STK33: variants seen among roughly 807,000 people sequenced by gnomAD.
The protein encoded by STK33 is serine/threonine-protein kinase 33.
In STK33, 52 loss-of-function variants were observed where a neutral mutation model predicts 58.0. That is an observed-to-expected ratio of 0.90 (90% confidence interval 0.72 to 1.13). The LOEUF (loss-of-function observed/expected upper bound fraction) is 1.13, where lower values mean the gene tolerates loss of function less well. Among genes scored for constraint, STK33 ranks in the 50% most tolerant of loss-of-function variants. The pLI, the probability that STK33 is intolerant of heterozygous loss-of-function variation, is 0.00. For missense variants in STK33, 630 were observed against 604.2 expected, an observed-to-expected ratio of 1.04 and a Z score of -0.45; for synonymous variants, 215 against 200.1, an observed-to-expected ratio of 1.07 and a Z score of -0.63.
chr11:8,556,033 T>G (rs938401211), intron 1 of STK33, among the ~76,000 whole-genome samples: 3 of 152,158 alleles, frequency 2.0e-5, no homozygotes, highest in Non-Finnish European at 1.5e-5. Context: ...GAACAGATTG[T>G]AAGGCAAGAG....
intron 12 of STK33, 115 bp from the exon 13 acceptor site, chr11:8,436,254 G>A: frequency 1.9e-6 from 1 of 518,442 alleles, no homozygotes; most frequent in South Asian, 3.9e-5. Flanking sequence ...AGGAAAGGAT[G>A]GGAAGAGATG....
At chr11:8,524,633 T>C (rs1307946065) in intron 1 of STK33, among the ~76,000 whole-genome samples, 2 of 152,118 alleles carry the variant, frequency 1.3e-5, no homozygotes, top group Non-Finnish European at 2.9e-5. Context: ...TTTGATAATG[T>C]TTTTGTGACC....
chr11:8,442,203 C>A (rs566146522), intron 11 of STK33, among the ~76,000 whole-genome samples: 33 of 152,278 alleles, frequency 2.2e-4, no homozygotes, highest in African/African-American at 7.7e-4. Flanking sequence ...TAACACTGAG[C>A]AATCTGTCTC....
At chr11:8,397,203 G>A (rs1849515298) in intron 15 of STK33, among the ~76,000 whole-genome samples, 1 of 152,234 alleles carries the variant, frequency 6.6e-6, no homozygotes, top group African/African-American at 2.4e-5. Flanking sequence ...CTAACTGGGA[G>A]GCACCCCCAA....
chr11:8,412,384 T>C (rs1940406617), intron 15 of STK33, among the ~76,000 whole-genome samples: 1 of 152,224 alleles, frequency 6.6e-6, no homozygotes, highest in South Asian at 2.1e-4. Flanking sequence ...GGTAAAAATA[T>C]TATAATCTCA....
intron 1 of STK33, among the ~76,000 whole-genome samples, chr11:8,571,296 A>G (rs1218799701): frequency 6.6e-6 from 1 of 152,204 alleles, no homozygotes; most frequent in African/African-American, 2.4e-5. Context: ...CGCTAACTAG[A>G]ATAAGCCAGA....
At chr11:8,555,716 A>C (rs1956697527) in intron 1 of STK33, among the ~76,000 whole-genome samples, 2 of 152,124 alleles carry the variant, frequency 1.3e-5, no homozygotes, top group South Asian at 4.1e-4. Flanking sequence ...AATTTTAATT[A>C]TCTTACCACA....
the STK33 span, among the ~76,000 whole-genome samples, chr11:8,384,650 G>A: frequency 1.1e-4 from 17 of 152,166 alleles, no homozygotes; most frequent in South Asian, 4.1e-4. Flanking sequence ...TGATAAGTGC[G>A]TAGAAAAAAC....
intron 1 of STK33, among the ~76,000 whole-genome samples, chr11:8,574,891 A>G (rs921115930): frequency 2.5e-4 from 38 of 152,012 alleles, no homozygotes; most frequent in Non-Finnish European, 5.3e-4. Flanking sequence ...AAGGAAAAAA[A>G]AAAAATAGCC....
intron 14 of STK33, chr11:8,434,242 G>A (rs11041920): frequency 0.018 from 1,877 of 103,308 alleles, 9 homozygotes; most frequent in Non-Finnish European, 0.024. Flanking sequence ...GCGAGACTCC[G>A]TCTCAAAAAA....
intron 1 of STK33, among the ~76,000 whole-genome samples, chr11:8,531,638 T>C (rs1305900680): frequency 6.6e-6 from 1 of 152,192 alleles, no homozygotes; most frequent in Non-Finnish European, 1.5e-5. Context: ...CCAGACTTCT[T>C]ACATGGCAGT....
chr11:8,367,341 G>A, the STK33 span, among the ~76,000 whole-genome samples: 1 of 152,198 alleles, frequency 6.6e-6, no homozygotes, highest in Non-Finnish European at 1.5e-5. Flanking sequence ...GTATATACAC[G>A]CATCATTGTA....
intron 15 of STK33, among the ~76,000 whole-genome samples, chr11:8,410,994 GA>G (rs1940146330): frequency 6.6e-6 from 1 of 152,160 alleles, no homozygotes; most frequent in South Asian, 2.1e-4. Flanking sequence ...TATGAATAAT[GA>G]AAGCATATAC....
intron 11 of STK33, among the ~76,000 whole-genome samples, chr11:8,452,483 T>C (rs1196642544): frequency 1.3e-5 from 2 of 152,160 alleles, no homozygotes; most frequent in African/African-American, 4.8e-5. Flanking sequence ...TCTACTTTTT[T>C]ACACATAAAA....
the STK33 span, among the ~76,000 whole-genome samples, chr11:8,362,429 C>A: frequency 0.12 from 17,747 of 152,158 alleles, 1,323 homozygotes; most frequent in Admixed American, 0.18. Flanking sequence ...TGCCCACACA[C>A]GGCTCCCCGT....
At chr11:8,542,849 A>C (rs1448752689) in intron 1 of STK33, among the ~76,000 whole-genome samples, 3 of 152,120 alleles carry the variant, frequency 2.0e-5, no homozygotes, top group Non-Finnish European at 4.4e-5. Flanking sequence ...AGCTGAGACT[A>C]CAGGTACACA....
intron 14 of STK33, among the ~76,000 whole-genome samples, chr11:8,434,573 T>C (rs1226414159): frequency 2.0e-5 from 3 of 152,178 alleles, no homozygotes; most frequent in Non-Finnish European, 4.4e-5. Context: ...CCCGTTCATA[T>C]AAAAAATTCT....
intron 5 of STK33, among the ~76,000 whole-genome samples, chr11:8,474,189 T>G (rs571355355): frequency 6.7e-6 from 1 of 149,816 alleles, no homozygotes; most frequent in African/African-American, 2.4e-5. Context: ...AAAAAAAAAA[T>G]GATGAATACA....
At chr11:8,423,848 A>C (rs1942307421) in intron 14 of STK33, among the ~76,000 whole-genome samples, 1 of 151,996 alleles carries the variant, frequency 6.6e-6, no homozygotes, top group Non-Finnish European at 1.5e-5. Flanking sequence ...CAATGTTGTC[A>C]ATTTTTGATA....
Sources: gnomAD v4.1 joint callset for allele counts (sites outside exome capture counted in the v4.1 genomes callset) on GRCh38, gnomAD v4.1.1 for gene constraint, MANE v1.5 for transcripts, NCBI Gene and HGNC (gene_info 2026-07-23, HGNC 2026-07-21) for gene names.